Variants in LRRC37A3 observed in about 807,000 individuals in gnomAD.
LRRC37A3 encodes the protein leucine-rich repeat-containing protein 37A3.
In LRRC37A3, 25 loss-of-function variants were observed where a neutral mutation model predicts 106.2. The ratio of observed to expected loss-of-function variants is 0.24; its 90% CI spans 0.17 to 0.33. The LOEUF (loss-of-function observed/expected upper bound fraction) is 0.33. Ranked by LOEUF, LRRC37A3 falls within the 10% of genes least tolerant of loss-of-function variation. The probability of loss-of-function intolerance (pLI) is 1.00; values close to 1 mark genes in which losing one functional copy is unlikely to be tolerated. For synonymous variants in LRRC37A3, 305 were observed against 635.8 expected (o/e 0.48, Z 7.83); for missense variants, 712 against 1,644.9 (o/e 0.43, Z 9.81).
intron 8 of LRRC37A3, chr17:64,881,012 G>A (rs1973682517): frequency 3.1e-6 from 2 of 646,194 alleles, no homozygotes; most frequent in Non-Finnish European, 5.5e-6. Flanking sequence ...CTGGTTCCAT[G>A]GAAGAAGGTA....
At chr17:64,878,555 T>C (rs572125633) in intron 8 of LRRC37A3, among the ~76,000 whole-genome samples, 1 of 152,326 alleles carries the variant, frequency 6.6e-6, no homozygotes, top group African/African-American at 2.4e-5. Context: ...AAAAGATATA[T>C]AAATGGCTCA....
At position 64,862,900 on chromosome 17, in the gene LRRC37A3, G is replaced by A. The variant is rs374555396; in HGVS notation, c.3172C>T (p.Pro1058Ser). 101 of 1,598,986 alleles carry A rather than the reference G, an allele frequency of 6.3e-5. No individual in the cohort carries two copies. The Middle Eastern group carries it at 6.9e-4, about 11-fold the overall frequency. ...SACLTNTTHC[P>S]EEASVGNPEG... The stretch of plus-strand genomic sequence containing the variant: ...TTATCACCATGCAATTTGGACTCAC[G>A]ACAATGTGTGGTGTTTGTCAGACAT... The change falls in exon 11 of 15, where the codon CCT (proline) becomes TCT (serine). Residue 1058 changes from proline (P) to serine (S), a missense_variant and splice_region_variant. Coordinates refer to ENST00000584306, the MANE Select transcript of LRRC37A3 (RefSeq NM_199340.5).
intron 12 of LRRC37A3, among the ~76,000 whole-genome samples, chr17:64,859,164 C>G (rs1207364707): frequency 6.6e-6 from 1 of 152,080 alleles, no homozygotes; most frequent in African/African-American, 2.4e-5. Flanking sequence ...GTTGGCCAAG[C>G]TGGTCTCAAA....
intron 10 of LRRC37A3, among the ~76,000 whole-genome samples, chr17:64,863,968 CTAAT>C (rs980078994): frequency 2.7e-5 from 4 of 145,504 alleles, no homozygotes; most frequent in Non-Finnish European, 4.5e-5. Context: ...CCATGCCCAG[CTAAT>C]TTTTTTTTTT....
At chr17:64,857,404 A>G (rs1189000776) in intron 13 of LRRC37A3, among the ~76,000 whole-genome samples, 1 of 152,266 alleles carries the variant, frequency 6.6e-6, no homozygotes, top group African/African-American at 2.4e-5. Flanking sequence ...GACATGAGAT[A>G]GCACGTTCCT....
At chr17:64,859,349 G>A (rs1453303114) in intron 12 of LRRC37A3, 93 bp downstream of exon 12, 21 of 1,352,096 alleles carry the variant, frequency 1.6e-5, no homozygotes, top group Non-Finnish European at 2.0e-5. Flanking sequence ...ATAAGCTATG[G>A]CCTGGGAGTC....
intron 14 of LRRC37A3, among the ~76,000 whole-genome samples, 184 bp downstream of exon 14, chr17:64,855,656 G>A (rs1007617126): frequency 2.0e-5 from 3 of 151,682 alleles, no homozygotes; most frequent in South Asian, 2.1e-4. Context: ...AAAACGTCGC[G>A]AGACTAGTGG....
At chr17:64,893,979 G>A (rs1391504902) in intron 4 of LRRC37A3, among the ~76,000 whole-genome samples, 1 of 147,066 alleles carries the variant, frequency 6.8e-6, no homozygotes, top group African/African-American at 2.7e-5. Context: ...TTTGTGTTCT[G>A]GAGACAGTAG....
chr17:64,858,852 G>T lies in LRRC37A3; in HGVS notation c.4736C>A (p.Thr1579Asn), dbSNP rs2143368031. ...FTKELPGYGYTKKLILALIVT... is the reference protein window; with the variant it reads ...FTKELPGYGYNKKLILALIVT... The stretch of plus-strand genomic sequence containing the variant: ...AATTAACGCCAAGATGAGTTTTTTG[G>T]TATAGCCATATCCTGGAAGTTCTTT... Residue 1579 changes from threonine to asparagine, a missense_variant, in exon 13 of 15, where the codon ACC becomes AAC. Transcript: ENST00000584306. 6.2e-7 allele frequency: 1 copy of T among 1,611,864 alleles called. No homozygotes were observed. The highest frequency in any genetic ancestry group is 8.5e-7 in the Non-Finnish European group (1 of 1,178,760).
Position 64,858,839 on chromosome 17 carries a change from G to A in LRRC37A3, c.4749C>T (p.Ile1583=). ...LPGYGYTKKL[I]LALIVTGILT... is the part of the protein sequence containing the mutation. ...GTATTCCAGTCACAATTAACGCCAA[G>A]ATGAGTTTTTTGGTATAGCCATATC... The change falls in exon 13 of 15, where the codon ATC becomes ATT. Residue 1583 remains isoleucine (I), a synonymous_variant. Transcript: ENST00000584306. The A allele has an allele frequency of 6.2e-7, 1 of 1,612,894 alleles. No homozygotes were observed. The highest frequency in any genetic ancestry group is 8.5e-7 in the Non-Finnish European group (1 of 1,179,460).
chr17:64,878,677 T>C (rs972115520), intron 8 of LRRC37A3, among the ~76,000 whole-genome samples: 10 of 152,170 alleles, frequency 6.6e-5, no homozygotes, highest in Non-Finnish European at 1.3e-4. Flanking sequence ...AGACAGACAA[T>C]GACAGTGTTG....
chr17:64,856,443 A>G (rs1056751546), intron 13 of LRRC37A3, among the ~76,000 whole-genome samples: 3 of 148,454 alleles, frequency 2.0e-5, no homozygotes, highest in African/African-American at 7.6e-5. Context: ...TGGCCTCCCA[A>G]TGTGTTGGGA....
chr17:64,859,999 T>C lies in LRRC37A3; in HGVS notation c.4147A>G (p.Ile1383Val), dbSNP rs370178823. ...GTGTCTTTTGTATTATTGTTTTCTA[T>C]AAAATGTTCTGAAGGAGCAGATACT... is the stretch of plus-strand genomic sequence containing the variant. ...LEVSAPSEHF[I>V]ENNNTKDTTA... The change falls in exon 12 of 15, where the codon ATA becomes GTA. Residue 1383 changes from isoleucine (I) to valine (V), a missense_variant. Physicochemically the swap from Ile to Val is conservative, Grantham distance 29. Transcript: ENST00000584306. The C allele has an allele frequency of 4.3e-6, 7 of 1,613,674 alleles. No homozygotes were observed. The highest frequency in any genetic ancestry group is 1.6e-4 in the Middle Eastern group (1 of 6,078).
chr17:64,913,027 ATT>A (rs375659871), intron 2 of LRRC37A3, among the ~76,000 whole-genome samples: 9 of 143,724 alleles, frequency 6.3e-5, no homozygotes, highest in East Asian at 2.0e-4. Context: ...ATATTAAGTA[ATT>A]TTTTTTTTTT....
At chr17:64,858,384 G>T (rs975591315) in intron 13 of LRRC37A3, among the ~76,000 whole-genome samples, 2 of 152,200 alleles carry the variant, frequency 1.3e-5, no homozygotes, top group Non-Finnish European at 2.9e-5. Flanking sequence ...CCTCTCCAGG[G>T]TGATGACAAC....
At chr17:64,868,429 C>A (rs368780169) in intron 10 of LRRC37A3, 33 bp downstream of exon 10, 1 of 1,608,506 alleles carries the variant, frequency 6.2e-7, no homozygotes, top group South Asian at 1.1e-5. Flanking sequence ...GAAACAACTA[C>A]GTAAAAATAA....
Position 64,860,858 on chromosome 17 carries a change from A to T in LRRC37A3, c.3288T>A (p.Ser1096Arg), listed in dbSNP as rs752770518. The change falls in exon 12 of 15, where the codon AGT becomes AGA. Residue 1096 changes from serine to arginine, a missense_variant. By Grantham distance (110) the Ser-to-Arg change is moderately radical. Transcript: ENST00000584306. Reference sequence around the variant, plus strand: ...TCCCAAAGCCTGACAAGTTGATGCCACTGCTGTCTGAGGGCTCCTCCGGCT... The same window carrying T: ...TCCCAAAGCCTGACAAGTTGATGCCTCTGCTGTCTGAGGGCTCCTCCGGCT... ...IIEPEEPSDS[S>R]GINLSGFGSE... 2.5e-6 allele frequency: 4 copies of T among 1,614,208 alleles called. No individual in the cohort carries two copies. The highest frequency in any genetic ancestry group is 3.4e-6 in the Non-Finnish European group (4 of 1,180,034).
intron 2 of LRRC37A3, among the ~76,000 whole-genome samples, chr17:64,916,632 A>C (rs1974708032): frequency 6.9e-6 from 1 of 145,770 alleles, no homozygotes; most frequent in Non-Finnish European, 1.5e-5. Flanking sequence ...AAAAAAAAAA[A>C]AACTAGCCAG....
At chr17:64,876,156 C>T (rs969082792) in intron 8 of LRRC37A3, among the ~76,000 whole-genome samples, 3 of 152,114 alleles carry the variant, frequency 2.0e-5, no homozygotes, top group South Asian at 2.1e-4. Flanking sequence ...AGGTATGCAC[C>T]ACTGCATCTG....
Sources: gnomAD v4.1 joint callset for allele counts (sites outside exome capture counted in the v4.1 genomes callset) on GRCh38, gnomAD v4.1.1 for gene constraint, MANE v1.5 for transcripts, NCBI Gene and HGNC (gene_info 2026-07-23, HGNC 2026-07-21) for gene names.